Variants in ASIC2 observed in about 807,000 individuals in gnomAD.
ASIC2 encodes acid sensing ion channel subunit 2.
In ASIC2, 25 loss-of-function variants were observed where a neutral mutation model predicts 57.3. The observed-to-expected ratio is 0.44, with a 90% CI of 0.32 to 0.61. The LOEUF (loss-of-function observed/expected upper bound fraction) is 0.61, where lower values mean the gene tolerates loss of function less well. ASIC2 is among the 20% of genes least tolerant of loss of function. The probability of loss-of-function intolerance (pLI) is 0.06; values close to 1 mark genes in which losing one functional copy is unlikely to be tolerated. For missense variants in ASIC2, 641 were observed against 738.1 expected, an observed-to-expected ratio of 0.87 and a Z score of 1.52; for synonymous variants, 319 against 307.5, an observed-to-expected ratio of 1.04 and a Z score of -0.39.
Position 33,737,313 on chromosome 17 carries a change from G to C in ASIC2, c.555+418665C>G, listed in dbSNP as rs138370499. 2.0e-4 allele frequency among the ~76,000 whole-genome samples: 30 copies of C among 152,342 alleles called. No homozygotes were observed. In the East Asian group the frequency reaches 5.8e-3, roughly 29 times the overall value. On this transcript the variant is annotated intron_variant, in intron 1 of 9. Transcript: ENST00000359872. ...CAGCCTTAGCTATTACGAACAAGAGGTGTCCCTGGTTTGTTCTGTTGAATC... is the reference window on the plus strand; with the variant it reads ...CAGCCTTAGCTATTACGAACAAGAGCTGTCCCTGGTTTGTTCTGTTGAATC...
intron 1 of ASIC2, among the ~76,000 whole-genome samples, chr17:33,960,090 G>A (rs1383050366): frequency 1.3e-5 from 2 of 152,216 alleles, no homozygotes; most frequent in Non-Finnish European, 2.9e-5. Flanking sequence ...GTTTAGGAAT[G>A]AGCATCTGAC....
intron 1 of ASIC2, among the ~76,000 whole-genome samples, chr17:33,386,970 G>T (rs144680040): frequency 1.5e-4 from 23 of 152,208 alleles, no homozygotes; most frequent in Non-Finnish European, 3.1e-4. Context: ...CTGTGTGTGT[G>T]TGTGTTTTGA....
At chr17:33,605,127 C>T (rs942298559) in intron 1 of ASIC2, among the ~76,000 whole-genome samples, 2 of 152,176 alleles carry the variant, frequency 1.3e-5, no homozygotes, top group Non-Finnish European at 2.9e-5. Flanking sequence ...TGCATGTTCT[C>T]ATAATTGAGT....
At chr17:33,755,742 G>A (rs142734099) in intron 1 of ASIC2, among the ~76,000 whole-genome samples, 18 of 152,316 alleles carry the variant, frequency 1.2e-4, no homozygotes, top group Non-Finnish European at 2.2e-4. Context: ...CTAACGTGAC[G>A]TAAGAGTGTG....
At chr17:33,829,312 C>T (rs8072265) in intron 1 of ASIC2, among the ~76,000 whole-genome samples, 123,536 of 152,160 alleles carry the variant, frequency 0.81, 50,508 homozygotes, top group African/African-American at 0.85. Flanking sequence ...GGAGCTTTGT[C>T]TCTTTTCCTT....
At chr17:33,706,017 G>A (rs1011615226) in intron 1 of ASIC2, among the ~76,000 whole-genome samples, 5 of 151,902 alleles carry the variant, frequency 3.3e-5, no homozygotes, top group African/African-American at 1.2e-4. Context: ...CACTGACTTT[G>A]TATTTTTGTT....
intron 1 of ASIC2, among the ~76,000 whole-genome samples, chr17:34,023,541 T>C (rs1452163749): frequency 2.6e-5 from 4 of 152,182 alleles, no homozygotes; most frequent in Non-Finnish European, 4.4e-5. Flanking sequence ...CTTTCAGAGT[T>C]GCTTTGTCCA....
intron 3 of ASIC2, among the ~76,000 whole-genome samples, chr17:33,037,975 A>G (rs920033893): frequency 2.0e-5 from 3 of 152,220 alleles, no homozygotes; most frequent in African/African-American, 7.2e-5. Flanking sequence ...GATGACTTCC[A>G]TGATCTCTTA....
chr17:33,913,263 C>G (rs942790357), intron 1 of ASIC2, among the ~76,000 whole-genome samples: 3 of 151,964 alleles, frequency 2.0e-5, no homozygotes, highest in Admixed American at 1.3e-4. Context: ...TAAATGTTAG[C>G]TATTATTATT....
intron 1 of ASIC2, among the ~76,000 whole-genome samples, chr17:33,148,362 G>T (rs1373870144): frequency 2.0e-5 from 3 of 152,210 alleles, no homozygotes; most frequent in Admixed American, 6.5e-5. Context: ...AAGTGGCAAA[G>T]CCAGGACTCA....
At chr17:33,266,306 T>C (rs1011390280) in intron 1 of ASIC2, among the ~76,000 whole-genome samples, 2 of 152,102 alleles carry the variant, frequency 1.3e-5, no homozygotes, top group Non-Finnish European at 2.9e-5. Context: ...CCCTGCCATA[T>C]CCACAGCACC....
chr17:33,433,104 T>C (rs2141979526), intron 1 of ASIC2, among the ~76,000 whole-genome samples: 1 of 152,344 alleles, frequency 6.6e-6, no homozygotes, highest in South Asian at 2.1e-4. Flanking sequence ...TGCACATGTA[T>C]GTTCACTGAA....
chr17:33,845,078 G>A (rs1269818990), intron 1 of ASIC2, among the ~76,000 whole-genome samples: 7 of 152,212 alleles, frequency 4.6e-5, no homozygotes, highest in African/African-American at 9.6e-5. Flanking sequence ...GCTAGGTTCA[G>A]GAGCTGAATT....
At chr17:33,326,704 G>A (rs1326909831) in intron 1 of ASIC2, among the ~76,000 whole-genome samples, 3 of 152,140 alleles carry the variant, frequency 2.0e-5, no homozygotes, top group Non-Finnish European at 4.4e-5. Context: ...TTCCCCAAAG[G>A]GCCTCCTATT....
chr17:33,326,707 C>T (rs1269925918), intron 1 of ASIC2, among the ~76,000 whole-genome samples: 1 of 152,226 alleles, frequency 6.6e-6, no homozygotes, highest in African/African-American at 2.4e-5. Flanking sequence ...CCCAAAGGGC[C>T]TCCTATTTTC....
chr17:33,172,302 A>T (rs545542718), intron 1 of ASIC2, among the ~76,000 whole-genome samples: 11 of 152,292 alleles, frequency 7.2e-5, no homozygotes, highest in African/African-American at 2.6e-4. Flanking sequence ...GAGTGGGTGC[A>T]ATATTTTCCA....
rs1267856691 is a variant in ASIC2, at chr17:34,027,196, C to T, written c.555+128782G>A. Among the ~76,000 whole-genome samples, 4 of 152,198 alleles carry T rather than the reference C, an allele frequency of 2.6e-5. No individual in the cohort carries two copies. In the East Asian group the frequency reaches 7.7e-4, roughly 29 times the overall value. On this transcript the variant is annotated intron_variant, in intron 1 of 9. Transcript: ENST00000359872. ...TTAATAATCTGCTCACTGGGTTTCC[C>T]AAGTTCCTTCCACTGGCAAAGATGT...
At chr17:33,625,930 C>T (rs1459788181) in intron 1 of ASIC2, among the ~76,000 whole-genome samples, 1 of 152,194 alleles carries the variant, frequency 6.6e-6, no homozygotes, top group African/African-American at 2.4e-5. Context: ...GCCAACCAAC[C>T]AACCTCCTCT....
intron 1 of ASIC2, among the ~76,000 whole-genome samples, chr17:33,348,073 G>A (rs1908024105): frequency 1.3e-5 from 2 of 152,328 alleles, no homozygotes; most frequent in African/African-American, 4.8e-5. Context: ...CTGCACTCCA[G>A]CCTGTGTGAC....
Sources: allele counts gnomAD v4.1 joint callset (sites outside exome capture counted in the v4.1 genomes callset), GRCh38; gene constraint gnomAD v4.1.1; transcripts MANE v1.5; gene names NCBI Gene and HGNC (gene_info 2026-07-23, HGNC 2026-07-21).